The following TRIT1 variants were observed in gnomAD, a reference collection of about 807,000 sequenced individuals.
TRIT1 encodes tRNA dimethylallyltransferase.
In TRIT1, 43 loss-of-function variants were observed where a neutral mutation model predicts 51.2. That is an observed-to-expected ratio of 0.84 (90% CI 0.66 to 1.08). The LOEUF (loss-of-function observed/expected upper bound fraction) is 1.08, where lower values mean the gene tolerates loss of function less well. Among genes scored for constraint, TRIT1 ranks in the 50% least tolerant of loss-of-function variants. The probability of loss-of-function intolerance (pLI) is 0.00; values close to 1 mark genes in which losing one functional copy is unlikely to be tolerated. For missense variants in TRIT1, 528 were observed against 578.4 expected, an observed-to-expected ratio of 0.91 and a Z score of 0.89; for synonymous variants, 184 against 203.9, an observed-to-expected ratio of 0.90 and a Z score of 0.83.
At chr1:39,883,196 C>T in intron 1 of TRIT1, 122 bp downstream of exon 1, 1 of 1,035,640 alleles carries the variant, frequency 9.7e-7, no homozygotes, top group East Asian at 2.7e-5. Context: ...TAAGTATGGG[C>T]TCCCTTTACC....
At chr1:39,845,571 T>A (rs1642176571) in intron 8 of TRIT1, among the ~76,000 whole-genome samples, 1 of 152,188 alleles carries the variant, frequency 6.6e-6, no homozygotes, top group Non-Finnish European at 1.5e-5. Context: ...ACAGGAAAGG[T>A]GAGACTAGGA....
chr1:39,863,627 T>G (rs1643370129), intron 1 of TRIT1, among the ~76,000 whole-genome samples: 1 of 151,994 alleles, frequency 6.6e-6, no homozygotes. Flanking sequence ...TATTGATGGT[T>G]TATTTCCACA....
chr1:39,844,388 T>A, intron 9 of TRIT1, 143 bp downstream of exon 9: 1 of 823,612 alleles, frequency 1.2e-6, no homozygotes. Flanking sequence ...AGAAAAGCAG[T>A]CTCCAGGTAT....
intron 1 of TRIT1, among the ~76,000 whole-genome samples, chr1:39,876,701 C>T (rs150108518): frequency 0.013 from 1,922 of 151,820 alleles, 33 homozygotes; most frequent in African/African-American, 0.044. Context: ...CCGAGGCTGG[C>T]GGATCACCTG....
At chr1:39,863,901 G>C (rs1402010175) in intron 1 of TRIT1, among the ~76,000 whole-genome samples, 1 of 152,148 alleles carries the variant, frequency 6.6e-6, no homozygotes, top group Non-Finnish European at 1.5e-5. Flanking sequence ...CAATTCAAGT[G>C]ATTTTGTTCA....
intron 1 of TRIT1, among the ~76,000 whole-genome samples, chr1:39,880,870 G>C (rs1031494114): frequency 1.2e-4 from 18 of 151,628 alleles, no homozygotes; most frequent in Non-Finnish European, 1.5e-5. Flanking sequence ...AGACATAATA[G>C]CTACTATAGA....
intron 1 of TRIT1, among the ~76,000 whole-genome samples, chr1:39,869,908 C>T (rs553308867): frequency 8.4e-4 from 128 of 152,044 alleles, no homozygotes; most frequent in African/African-American, 2.7e-3. Flanking sequence ...AGCCTCTGCC[C>T]GGCCAGCCGC....
intron 1 of TRIT1, among the ~76,000 whole-genome samples, chr1:39,867,496 T>C (rs981901916): frequency 6.6e-6 from 1 of 152,230 alleles, no homozygotes; most frequent in Middle Eastern, 3.2e-3. Flanking sequence ...TGATACATTC[T>C]TCTGAAGTAT....
At position 39,838,598 on chromosome 1, in the gene TRIT1, C is replaced by T. The variant is rs1468817726; in HGVS notation, c.*3146G>A. Among the ~76,000 whole-genome samples, 2 of 152,148 alleles carry T rather than the reference C, an allele frequency of 1.3e-5. No individual in the cohort carries two copies. The highest frequency in any genetic ancestry group is 2.9e-5 in the Non-Finnish European group (2 of 68,024). The stretch of plus-strand genomic sequence containing the variant: ...GCCATCCTCCTACCTGAGCCTTCCA[C>T]GTAGCTGGGACTATAGGCATGACCC... On this transcript the variant is annotated 3_prime_UTR_variant, in exon 11 of 11. Transcript: ENST00000316891.
intron 1 of TRIT1, among the ~76,000 whole-genome samples, chr1:39,876,558 A>ATCTATC (rs879423859): frequency 9.0e-6 from 1 of 111,726 alleles, no homozygotes; most frequent in African/African-American, 2.6e-5. Flanking sequence ...CTATCTATCT[A>ATCTATC]TATATATATA....
At chr1:39,879,451 A>G (rs1480829262) in intron 1 of TRIT1, among the ~76,000 whole-genome samples, 3 of 151,886 alleles carry the variant, frequency 2.0e-5, no homozygotes, top group Non-Finnish European at 4.4e-5. Context: ...TGAAGTGATA[A>G]TATCCATTTT....
chr1:39,844,141 G>A lies in TRIT1; in HGVS notation c.1194C>T (p.Asp398=), dbSNP rs1642082488. The stretch of plus-strand genomic sequence containing the variant: ...CCCCAATGATGATTCGATCACAGAG[G>A]TCACACAGGTGATAACTTCTCTTGT... ...AENKRSYHLC[D]LCDRIIIGDR... is the part of the protein sequence containing the mutation. The change falls in exon 10 of 11, where the codon GAC becomes GAT. Residue 398 remains aspartate, a synonymous_variant. Transcript: ENST00000316891. 37 of 1,614,168 alleles carry A rather than the reference G, an allele frequency of 2.3e-5. No homozygotes were observed. The highest frequency in any genetic ancestry group is 3.1e-5 in the Non-Finnish European group (37 of 1,180,010).
chr1:39,849,137 T>C (rs112041524), intron 5 of TRIT1, among the ~76,000 whole-genome samples: 3,554 of 152,302 alleles, frequency 0.023, 71 homozygotes, highest in Non-Finnish European at 0.036. Context: ...TTTGCATTTA[T>C]TGAGGACCCG....
Position 39,841,665 on chromosome 1 carries a change from C to T in TRIT1, c.*79G>A. The stretch of plus-strand genomic sequence containing the variant: ...GAGAATTCCGCATAGCACTCCTTTG[C>T]CCAGACTGGGAGACAAACATACCCC... On this transcript the variant is annotated 3_prime_UTR_variant, in exon 11 of 11. Transcript: ENST00000316891. 6.9e-7 allele frequency: 1 copy of T among 1,454,394 alleles called. No individual in the cohort carries two copies. The highest frequency in any genetic ancestry group is 9.3e-7 in the Non-Finnish European group (1 of 1,080,392). The allele number at this position is 1,454,394 out of a possible 1,614,324, so 90.1% of individuals were successfully genotyped here.
rs1642308672 is a variant in TRIT1 at position 39,847,602 on chromosome 1, G to C, written c.874C>G (p.Leu292Val). The C allele has an allele frequency of 6.2e-7, 1 of 1,614,068 alleles. No individual in the cohort carries two copies. Among genetic ancestry groups the C allele is most frequent in the Non-Finnish European group, 8.5e-7 (1 of 1,180,044 alleles). Reference protein sequence around the residue: ...SIGFKEFHEYLITEGKCTLET... With the variant: ...SIGFKEFHEYVITEGKCTLET... ...AGTGTGCATTTTCCCTCAGTGATCA[G>C]GTACTCGTGAAATTCCTTGAAGCCA... The change falls in exon 7 of 11, where the codon CTG (leucine) becomes GTG (valine). Residue 292 changes from leucine to valine, a missense_variant. Physicochemically the swap from Leu to Val is conservative, Grantham distance 32. Coordinates refer to ENST00000316891, the MANE Select transcript of TRIT1 (RefSeq NM_017646.6).
chr1:39,870,437 C>A (rs1643827884), intron 1 of TRIT1, among the ~76,000 whole-genome samples: 1 of 150,688 alleles, frequency 6.6e-6, no homozygotes, highest in Non-Finnish European at 1.5e-5. Context: ...TATCTGCTGA[C>A]CTTCCCTCCA....
chr1:39,879,479 A>G (rs1644173881), intron 1 of TRIT1, among the ~76,000 whole-genome samples: 1 of 149,556 alleles, frequency 6.7e-6, no homozygotes, highest in Non-Finnish European at 1.5e-5. Context: ...TATTGTGAGG[A>G]TTTTAAATAT....
rs1553148795 is a variant in TRIT1 at position 39,880,268 on chromosome 1, T to TA, written c.174+3049dup. 6.7e-3 allele frequency among the ~76,000 whole-genome samples: 632 copies of TA among 94,862 alleles called. 5 individuals carry two copies. Among genetic ancestry groups the TA allele is most frequent in the Non-Finnish European group, 9.3e-3 (444 of 47,894 alleles). The allele number at this position is 94,862 out of a possible 152,430, so 62.2% of individuals were successfully genotyped here. A position where few individuals can be genotyped will look rare whatever the true frequency, so the allele number is the denominator to read the frequency against. On this transcript the variant is annotated intron_variant, in intron 1 of 10. Coordinates refer to ENST00000316891, the MANE Select transcript of TRIT1 (RefSeq NM_017646.6). ...CGGGGCAACAGAGCAAGACCTCAAATAAAAAAAAAAAAAAAAAAAAAAAAA... is the reference window on the plus strand; with the variant it reads ...CGGGGCAACAGAGCAAGACCTCAAATAAAAAAAAAAAAAAAAAAAAAAAAAA...
chr1:39,876,421 G>A (rs1010277405), intron 1 of TRIT1, among the ~76,000 whole-genome samples: 1 of 152,000 alleles, frequency 6.6e-6, no homozygotes, highest in African/African-American at 2.4e-5. Flanking sequence ...GCAAAAACAT[G>A]ACCACATATG....
Sources: gnomAD v4.1 joint callset for allele counts (sites outside exome capture counted in the v4.1 genomes callset) on GRCh38, gnomAD v4.1.1 for gene constraint, MANE v1.5 for transcripts, NCBI Gene and HGNC (gene_info 2026-07-23, HGNC 2026-07-21) for gene names.